CDK15: variants seen among roughly 807,000 people sequenced by gnomAD.
The protein encoded by CDK15 is cyclin dependent kinase 15, also known as cyclin-dependent kinase 15.
A neutral mutation model predicts 60.3 loss-of-function variants in CDK15; 62 were observed. That is an observed-to-expected ratio of 1.03 (90% CI 0.84 to 1.27). CDK15 has a LOEUF of 1.27. CDK15 is among the 50% of genes most tolerant of loss of function. CDK15 has a pLI of 0.00. For missense variants in CDK15, 541 were observed against 527.8 expected (o/e 1.03, Z -0.25); for synonymous variants, 194 against 195.7 (o/e 0.99, Z 0.07).
chr2:201,863,000 C>G (rs908515031), intron 10 of CDK15, among the ~76,000 whole-genome samples: 1 of 152,154 alleles, frequency 6.6e-6, no homozygotes, highest in Non-Finnish European at 1.5e-5. Flanking sequence ...AGCAGCCTCC[C>G]TCGCTACAGC....
rs762881438 is a variant in CDK15, at chr2:201,833,986, G to A, written c.730+15G>A. 2.7e-5 allele frequency: 44 copies of A among 1,612,158 alleles called. No individual in the cohort carries two copies. The highest frequency in any genetic ancestry group is 6.7e-5 in the African/African-American group (5 of 74,718). The stretch of plus-strand genomic sequence containing the variant: ...GGCTGATTTTGGTAAGTCGCCCCTC[G>A]GGTCTCATTCTGGGCTGTGAACAAT... On this transcript the variant is annotated intron_variant, in intron 7 of 13. Coordinates refer to ENST00000652192, the MANE Select transcript of CDK15 (RefSeq NM_001366386.2).
chr2:201,872,402 C>T lies in CDK15; in HGVS notation c.1058+76C>T, dbSNP rs146077160. On this transcript the variant is annotated intron_variant, in intron 11 of 13. Transcript: ENST00000652192. ...GAGAGACATTTCCCTGGATCTCAGT[C>T]CACTGAACAGCAGCCCCCGAGCACT... The T allele has an allele frequency of 6.8e-3, 10,176 of 1,489,582 alleles. 53 individuals carry two copies. Among genetic ancestry groups the T allele is most frequent in the Middle Eastern group, 0.014 (84 of 5,820 alleles). The allele number at this position is 1,489,582 out of a possible 1,614,324, so 92.3% of individuals were successfully genotyped here. A position where few individuals can be genotyped will look rare whatever the true frequency, so the allele number is the denominator to read the frequency against.
At chr2:201,839,203 A>G (rs1697265117) in intron 8 of CDK15, among the ~76,000 whole-genome samples, 1 of 152,094 alleles carries the variant, frequency 6.6e-6, no homozygotes, top group African/African-American at 2.4e-5. Flanking sequence ...TTTAATGTCT[A>G]TAGCTTTGCA....
intron 12 of CDK15, among the ~76,000 whole-genome samples, chr2:201,885,216 CT>C (rs1699415030): frequency 6.6e-6 from 1 of 152,188 alleles, no homozygotes; most frequent in African/African-American, 2.4e-5. Flanking sequence ...TTAACATGTA[CT>C]AATCAAGCTT....
rs149599310 is a variant in CDK15 at position 201,839,394 on chromosome 2, A to G, written c.851+3631A>G. Among the ~76,000 whole-genome samples, 5 of 152,284 alleles carry G rather than the reference A, an allele frequency of 3.3e-5. No individual in the cohort carries two copies. The East Asian group carries it at 9.7e-4, about 29-fold the overall frequency. On this transcript the variant is annotated intron_variant, in intron 8 of 13. Transcript: ENST00000652192. ...GTTCCAGATTAAAGGAGACTCCAGA[A>G]ACCTGCCAACTAAATGTAATGCATG...
chr2:201,863,541 C>T (rs1698484784), intron 10 of CDK15, among the ~76,000 whole-genome samples: 2 of 152,122 alleles, frequency 1.3e-5, no homozygotes, highest in African/African-American at 4.8e-5. Flanking sequence ...GTGCTTTGCA[C>T]CATCAAGCTC....
chr2:201,858,010 A>G (rs1350603523), intron 10 of CDK15, among the ~76,000 whole-genome samples: 1 of 152,098 alleles, frequency 6.6e-6, no homozygotes, highest in Non-Finnish European at 1.5e-5. Context: ...TAGTCCTAGG[A>G]GCCCCCAAAC....
intron 4 of CDK15, among the ~76,000 whole-genome samples, chr2:201,814,973 C>T (rs1268116893): frequency 1.2e-4 from 16 of 134,118 alleles, no homozygotes; most frequent in African/African-American, 2.5e-4. Flanking sequence ...TTTTTTGAGA[C>T]GAAGTTTTGC....
intron 12 of CDK15, among the ~76,000 whole-genome samples, chr2:201,889,865 C>T (rs1010860091): frequency 2.0e-5 from 3 of 151,810 alleles, no homozygotes; most frequent in Admixed American, 6.6e-5. Context: ...GCCTGGCCAA[C>T]GTGGTGAAAC....
chr2:201,836,056 TATTA>T (rs374883599), intron 8 of CDK15, among the ~76,000 whole-genome samples: 193 of 6,924 alleles, frequency 0.028, 1 homozygote, highest in East Asian at 0.056. Context: ...TTTATATATA[TATTA>T]TATATATTTA....
At chr2:201,843,720 T>G (rs1697505106) in intron 8 of CDK15, among the ~76,000 whole-genome samples, 1 of 152,178 alleles carries the variant, frequency 6.6e-6, no homozygotes, top group South Asian at 2.1e-4. Context: ...GGTTTCAACC[T>G]TCCCCAAAAT....
intron 10 of CDK15, among the ~76,000 whole-genome samples, chr2:201,858,429 T>A (rs1204083964): frequency 1.4e-5 from 2 of 140,936 alleles, no homozygotes; most frequent in African/African-American, 5.2e-5. Context: ...TCCTTCTCTC[T>A]TTCACTCCCT....
chr2:201,827,047 T>C (rs7583728), intron 6 of CDK15, among the ~76,000 whole-genome samples: 139,314 of 152,308 alleles, frequency 0.91, 64,174 homozygotes, highest in East Asian at 1. Context: ...CCATACTGCA[T>C]TTCTAGTTCT....
At position 201,822,883 on chromosome 2, in the gene CDK15, A is replaced by G. The variant is rs1696295591; in HGVS notation, c.523A>G (p.Thr175Ala). 5 of 1,610,730 alleles carry G rather than the reference A, an allele frequency of 3.1e-6. No homozygotes were observed. The highest frequency in any genetic ancestry group is 1.7e-4 in the Middle Eastern group (1 of 6,056). Residue 175 changes from threonine (T) to alanine (A), a missense_variant, in exon 5 of 14, where the codon ACA becomes GCA. Physicochemically the swap from Thr to Ala is moderately conservative, Grantham distance 58. Coordinates refer to ENST00000652192, the MANE Select transcript of CDK15 (RefSeq NM_001366386.2). The stretch of plus-strand genomic sequence containing the variant: ...CATAATCCACACCAAAGAGACACTG[A>G]CATTCGTTTTTGAATACATGGTGAG... Reference protein sequence around the residue: ...HDIIHTKETLTFVFEYMHTDL... With the variant: ...HDIIHTKETLAFVFEYMHTDL...
intron 6 of CDK15, among the ~76,000 whole-genome samples, chr2:201,830,835 G>A (rs1435005988): frequency 1.3e-5 from 2 of 152,190 alleles, no homozygotes; most frequent in Non-Finnish European, 2.9e-5. Flanking sequence ...GGAAAAGGGA[G>A]GCAGCTTATG....
At chr2:201,861,636 C>A in intron 10 of CDK15, 1 of 603,918 alleles carries the variant, frequency 1.7e-6, no homozygotes, top group Non-Finnish European at 2.1e-6. Flanking sequence ...TCTCGGCTCA[C>A]CGCAGCCTCC....
At chr2:201,838,312 A>T (rs1351009258) in intron 8 of CDK15, among the ~76,000 whole-genome samples, 1 of 152,124 alleles carries the variant, frequency 6.6e-6, no homozygotes, top group Non-Finnish European at 1.5e-5. Context: ...ATACTGCTAA[A>T]CATCCTACAG....
At chr2:201,807,461 A>T (rs777340501) in intron 1 of CDK15, 33 bp from the exon 2 acceptor site, 7 of 1,598,402 alleles carry the variant, frequency 4.4e-6, no homozygotes, top group Non-Finnish European at 6.0e-6. Flanking sequence ...TACTTTGCAT[A>T]AATTTTATTT....
At chr2:201,819,199 G>C (rs879173671) in intron 4 of CDK15, among the ~76,000 whole-genome samples, 2 of 152,266 alleles carry the variant, frequency 1.3e-5, no homozygotes, top group South Asian at 4.1e-4. Flanking sequence ...ACCTAGAATG[G>C]TCAAGGAAGT....
Sources: gnomAD v4.1 joint callset for allele counts (sites outside exome capture counted in the v4.1 genomes callset) on GRCh38, gnomAD v4.1.1 for gene constraint, MANE v1.5 for transcripts, NCBI Gene and HGNC (gene_info 2026-07-23, HGNC 2026-07-21) for gene names.